Variants in HSPA12A observed in about 807,000 individuals in gnomAD.
The protein encoded by HSPA12A is heat shock 70 kDa protein 12A.
A neutral mutation model predicts 69.2 loss-of-function variants in HSPA12A; 28 were observed. That is an observed-to-expected ratio of 0.40 (90% CI 0.30 to 0.55). The LOEUF is 0.55. Among genes scored for constraint, HSPA12A ranks in the 20% least tolerant of loss-of-function variants. HSPA12A has a pLI of 0.38. For missense variants in HSPA12A, 686 were observed against 900.7 expected, an observed-to-expected ratio of 0.76 and a Z score of 3.05; for synonymous variants, 345 against 370.5, an observed-to-expected ratio of 0.93 and a Z score of 0.79.
rs73387146 is a variant in HSPA12A at position 116,762,228 on chromosome 10, C to A, written c.92-54943G>T. On this transcript the variant is annotated intron_variant, in intron 2 of 12. Transcript: ENST00000635765. ...ACTTCCAGAATGGCTCCTCATCAGC[C>A]CTGTGGGCACCTCCTCAGATGAAGA... 4.7e-3 allele frequency among the ~76,000 whole-genome samples: 721 copies of A among 152,302 alleles called. 6 individuals are homozygous for A. The highest frequency in any genetic ancestry group is 0.017 in the African/African-American group (686 of 41,564).
At chr10:116,742,610 C>T, upstream of HSPA12A, 1 of 1,082,050 alleles carries the variant, frequency 9.2e-7, no homozygotes, top group Non-Finnish European at 1.1e-6. Flanking sequence ...CGGCAGCCGC[C>T]GCAGCCACGG....
chr10:116,831,256 A>G (rs1845608347), intron 2 of HSPA12A: 1 of 152,232 alleles, frequency 6.6e-6, no homozygotes, highest in Non-Finnish European at 1.5e-5. Context: ...GGGGGACACA[A>G]AAGAGAAAAA....
intron 2 of HSPA12A, among the ~76,000 whole-genome samples, chr10:116,769,902 C>T (rs1484744708): frequency 6.6e-6 from 1 of 152,278 alleles, no homozygotes; most frequent in African/African-American, 2.4e-5. Context: ...GGCCTCGGCT[C>T]CTTGTGCTTA....
At chr10:116,767,398 T>C (rs1476675709) in intron 2 of HSPA12A, among the ~76,000 whole-genome samples, 1 of 152,166 alleles carries the variant, frequency 6.6e-6, no homozygotes, top group African/African-American at 2.4e-5. Context: ...GCACTGTCCC[T>C]GCAGAGCTAA....
At chr10:116,797,039 A>G (rs1844841976) in intron 2 of HSPA12A, among the ~76,000 whole-genome samples, 1 of 152,122 alleles carries the variant, frequency 6.6e-6, no homozygotes, top group African/African-American at 2.4e-5. Flanking sequence ...AATCCCACAG[A>G]AGTGAACCCC....
At chr10:116,754,662 A>C (rs2133091711) in intron 2 of HSPA12A, among the ~76,000 whole-genome samples, 1 of 152,370 alleles carries the variant, frequency 6.6e-6, no homozygotes, top group African/African-American at 2.4e-5. Flanking sequence ...ATGCTCAAGA[A>C]GAAACATACA....
At chr10:116,803,457 C>A (rs551509583) in intron 2 of HSPA12A, among the ~76,000 whole-genome samples, 1 of 152,284 alleles carries the variant, frequency 6.6e-6, no homozygotes, top group South Asian at 2.1e-4. Flanking sequence ...CCCGCAGGCA[C>A]CCCCTGAGCT....
chr10:116,797,076 G>C (rs1196241923), intron 2 of HSPA12A, among the ~76,000 whole-genome samples: 1 of 152,128 alleles, frequency 6.6e-6, no homozygotes, highest in African/African-American at 2.4e-5. Flanking sequence ...TTTCCCATCC[G>C]CAGGAGCTGG....
chr10:116,690,417 A>G (rs781926248), intron 6 of HSPA12A, among the ~76,000 whole-genome samples: 1 of 152,240 alleles, frequency 6.6e-6, no homozygotes, highest in African/African-American at 2.4e-5. Context: ...CAAAAAAAGC[A>G]ATTGAATGAT....
chr10:116,687,706 C>A (rs975091684), intron 6 of HSPA12A, among the ~76,000 whole-genome samples: 6 of 152,228 alleles, frequency 3.9e-5, no homozygotes, highest in African/African-American at 1.4e-4. Flanking sequence ...CTCAGCAAAC[C>A]TATGGGTCTG....
rs1849389595 is a variant in HSPA12A, at chr10:116,681,158, C to A, written c.1021G>T (p.Ala341Ser). The change falls in exon 9 of 12, where the codon GCA becomes TCA. Residue 341 changes from alanine (A) to serine (S), a missense_variant. Coordinates refer to ENST00000369209, the MANE Select transcript of HSPA12A (RefSeq NM_025015.3). ...TAGCCCTGCAGGGCCTCACCTGTTG[C>A]TTTATACAGTTCCTTAAGGTGTCCC... Reference protein sequence around the residue: ...PEGHLKELYKATGGPYGSLGV... With the variant: ...PEGHLKELYKSTGGPYGSLGV... The A allele has an allele frequency of 1.2e-6, 2 of 1,612,744 alleles. No homozygotes were observed. The highest frequency in any genetic ancestry group is 2.7e-5 in the African/African-American group (2 of 75,006).
chr10:116,768,693 G>A (rs1240413362), intron 2 of HSPA12A, among the ~76,000 whole-genome samples: 3 of 152,020 alleles, frequency 2.0e-5, no homozygotes, highest in Non-Finnish European at 4.4e-5. Flanking sequence ...TAGAGTTGGG[G>A]GCAGTCTCAC....
intron 2 of HSPA12A, chr10:116,750,231 A>G (rs971322661): frequency 5.2e-6 from 4 of 771,820 alleles, no homozygotes; most frequent in South Asian, 2.7e-5. Context: ...AGGCTTCTCA[A>G]TAGGTCTGGC....
chr10:116,676,925 C>T (rs1174832958), intron 10 of HSPA12A, among the ~76,000 whole-genome samples: 1 of 152,196 alleles, frequency 6.6e-6, no homozygotes, highest in African/African-American at 2.4e-5. Flanking sequence ...TGTCCTCAGC[C>T]TTCCAGGCAC....
intron 2 of HSPA12A, among the ~76,000 whole-genome samples, chr10:116,778,445 G>A (rs1376765382): frequency 1.3e-5 from 2 of 152,206 alleles, no homozygotes; most frequent in Non-Finnish European, 2.9e-5. Context: ...GGGGAGATGA[G>A]GGTGGCACAC....
chr10:116,776,312 T>A (rs571729764), intron 2 of HSPA12A, among the ~76,000 whole-genome samples: 1 of 152,286 alleles, frequency 6.6e-6, no homozygotes, highest in Admixed American at 6.5e-5. Flanking sequence ...TCTTGGCCGC[T>A]TCCTCCCGCT....
chr10:116,714,726 C>T (rs577148860), intron 1 of HSPA12A, among the ~76,000 whole-genome samples: 3 of 152,322 alleles, frequency 2.0e-5, no homozygotes, highest in African/African-American at 7.2e-5. Context: ...CTTCTAAGTC[C>T]ACCCCACCTT....
At chr10:116,786,524 G>T (rs1428735420) in intron 2 of HSPA12A, among the ~76,000 whole-genome samples, 4 of 152,016 alleles carry the variant, frequency 2.6e-5, no homozygotes, top group African/African-American at 9.7e-5. Flanking sequence ...TGTTCTCACA[G>T]AAAAATGTTC....
At chr10:116,784,950 G>A (rs1249917649) in intron 2 of HSPA12A, among the ~76,000 whole-genome samples, 2 of 152,184 alleles carry the variant, frequency 1.3e-5, no homozygotes, top group Non-Finnish European at 2.9e-5. Context: ...GAGCCAACAG[G>A]AGAAACCAGA....
Sources: gnomAD v4.1 joint callset for allele counts (sites outside exome capture counted in the v4.1 genomes callset) on GRCh38, gnomAD v4.1.1 for gene constraint, MANE v1.5 for transcripts, NCBI Gene and HGNC (gene_info 2026-07-23, HGNC 2026-07-21) for gene names.